The following CHRM3 variants were observed in gnomAD, a reference collection of about 807,000 sequenced individuals.
CHRM3 encodes the protein cholinergic receptor muscarinic 3, also known as muscarinic acetylcholine receptor M3.
In CHRM3, 11 loss-of-function variants were observed where a neutral mutation model predicts 41.8. The observed-to-expected ratio is 0.26, with a 90% CI of 0.17 to 0.44. The LOEUF is 0.44. Among genes scored for constraint, CHRM3 ranks in the 20% least tolerant of loss-of-function variants. The pLI, the probability that CHRM3 is intolerant of heterozygous loss-of-function variation, is 1.00. For missense variants in CHRM3, 571 were observed against 745.4 expected, an observed-to-expected ratio of 0.77 and a Z score of 2.72; for synonymous variants, 297 against 301.4, an observed-to-expected ratio of 0.99 and a Z score of 0.15.
intron 5 of CHRM3, among the ~76,000 whole-genome samples, chr1:239,683,400 G>T (rs990036803): frequency 2.0e-5 from 3 of 152,192 alleles, no homozygotes; most frequent in Non-Finnish European, 4.4e-5. Context: ...AGCAGAGAGA[G>T]AGAGACATCG....
chr1:239,631,463 C>A (rs2148869951), intron 3 of CHRM3, among the ~76,000 whole-genome samples: 1 of 152,334 alleles, frequency 6.6e-6, no homozygotes, highest in East Asian at 1.9e-4. Context: ...TTCAATCACA[C>A]CTTATCAGGA....
intron 2 of CHRM3, among the ~76,000 whole-genome samples, chr1:239,534,930 A>G (rs904013643): frequency 1.3e-5 from 2 of 152,224 alleles, no homozygotes; most frequent in East Asian, 3.8e-4. Context: ...AAGATGCTAT[A>G]TTTTTTATAA....
In CHRM3 at chr1:239,912,998, AT is replaced by A. The variant is rs1208465576; in HGVS notation, c.*3777del. On this transcript the variant is annotated 3_prime_UTR_variant, in exon 7 of 7. Transcript: ENST00000676153. ...AAGCAACAACACCGAAGCTTCTCTA[AT>A]TTGCCTTCTGATGCCAAATCGGTCA... 1.2e-5 allele frequency: 2 copies of A among 167,052 alleles called. No homozygotes were observed. The highest frequency in any genetic ancestry group is 2.9e-5 in the Non-Finnish European group (2 of 68,100). The allele number at this position is 167,052 out of a possible 1,614,324, so 10.3% of individuals were successfully genotyped here. A position where few individuals can be genotyped will look rare whatever the true frequency, so the allele number is the denominator to read the frequency against.
At chr1:239,651,722 C>T (rs1387832465) in intron 4 of CHRM3, among the ~76,000 whole-genome samples, 1 of 152,046 alleles carries the variant, frequency 6.6e-6, no homozygotes, top group Non-Finnish European at 1.5e-5. Flanking sequence ...AATCTTAGAC[C>T]CTACCCTTGT....
intron 1 of CHRM3, among the ~76,000 whole-genome samples, chr1:239,474,840 A>C (rs1666361961): frequency 6.6e-6 from 1 of 152,114 alleles, no homozygotes; most frequent in Admixed American, 6.5e-5. Context: ...TTTTTACTGA[A>C]GAGTAAATAT....
intron 1 of CHRM3, among the ~76,000 whole-genome samples, chr1:239,436,255 AC>A (rs985836830): frequency 1.3e-5 from 2 of 152,126 alleles, no homozygotes; most frequent in African/African-American, 2.4e-5. Context: ...AAAAGGTACC[AC>A]TTTGGGCTAG....
At chr1:239,662,019 AAAAC>A (rs1673240736) in intron 4 of CHRM3, among the ~76,000 whole-genome samples, 1 of 152,144 alleles carries the variant, frequency 6.6e-6, no homozygotes, top group South Asian at 2.1e-4. Context: ...TTAATTAAAA[AAAAC>A]AGAATAGAAT....
At chr1:239,550,460 C>A (rs1659708762) in intron 3 of CHRM3, among the ~76,000 whole-genome samples, 1 of 152,110 alleles carries the variant, frequency 6.6e-6, no homozygotes, top group African/African-American at 2.4e-5. Flanking sequence ...CCAATAGTTA[C>A]TGATAAAATT....
At chr1:239,430,118 C>G (rs926162460) in intron 1 of CHRM3, among the ~76,000 whole-genome samples, 3 of 151,630 alleles carry the variant, frequency 2.0e-5, no homozygotes, top group Admixed American at 1.3e-4. Context: ...AGGCGCCCAC[C>G]ACCACACCTG....
intron 6 of CHRM3, among the ~76,000 whole-genome samples, chr1:239,900,374 A>G (rs1179466501): frequency 7.2e-6 from 1 of 138,944 alleles, no homozygotes; most frequent in Non-Finnish European, 1.5e-5. Flanking sequence ...ACTTTTAGAT[A>G]TTCTTTTTTT....
chr1:239,651,856 C>T (rs373588172), intron 4 of CHRM3, among the ~76,000 whole-genome samples: 1 of 152,184 alleles, frequency 6.6e-6, no homozygotes, highest in Non-Finnish European at 1.5e-5. Flanking sequence ...ACAGCACCCC[C>T]CCACACCCCT....
chr1:239,514,147 T>C (rs909177003), intron 2 of CHRM3, among the ~76,000 whole-genome samples: 4 of 152,150 alleles, frequency 2.6e-5, no homozygotes, highest in African/African-American at 4.8e-5. Context: ...AATTATAGAA[T>C]CAAGTTTGCC....
At chr1:239,704,292 G>A (rs1440654336) in intron 5 of CHRM3, 3 of 152,148 alleles carry the variant, frequency 2.0e-5, no homozygotes, top group Admixed American at 6.5e-5. Flanking sequence ...ATAAAGCAAT[G>A]TTGAGCTGAC....
At chr1:239,396,400 C>T (rs1229729231) in intron 1 of CHRM3, among the ~76,000 whole-genome samples, 1 of 151,890 alleles carries the variant, frequency 6.6e-6, no homozygotes, top group Non-Finnish European at 1.5e-5. Flanking sequence ...GGTTTGAGGC[C>T]AGAAGTTGAA....
intron 4 of CHRM3, among the ~76,000 whole-genome samples, chr1:239,645,844 G>C (rs995598353): frequency 6.6e-6 from 1 of 152,132 alleles, no homozygotes; most frequent in African/African-American, 2.4e-5. Context: ...CAGCTTCAAA[G>C]TTTGTAGGTG....
chr1:239,506,746 C>G (rs993944475), intron 2 of CHRM3, among the ~76,000 whole-genome samples: 1 of 152,170 alleles, frequency 6.6e-6, no homozygotes, highest in Non-Finnish European at 1.5e-5. Flanking sequence ...CTACAAAAGC[C>G]ACAGACACTC....
intron 6 of CHRM3, among the ~76,000 whole-genome samples, chr1:239,831,079 C>T (rs534914500): frequency 1.3e-5 from 2 of 152,012 alleles, no homozygotes; most frequent in East Asian, 1.9e-4. Context: ...TTATTGACTG[C>T]TCTGTCACAT....
chr1:239,776,553 G>A (rs759471404), intron 5 of CHRM3, among the ~76,000 whole-genome samples: 16 of 152,044 alleles, frequency 1.1e-4, no homozygotes, highest in Non-Finnish European at 1.9e-4. Context: ...ATTGATGTAA[G>A]GAAGGGAAGA....
intron 5 of CHRM3, among the ~76,000 whole-genome samples, chr1:239,793,315 A>C (rs1669496972): frequency 6.6e-6 from 1 of 152,194 alleles, no homozygotes; most frequent in African/African-American, 2.4e-5. Context: ...AAATAAAATC[A>C]CAATAACCAT....
Sources: allele counts gnomAD v4.1 joint callset (sites outside exome capture counted in the v4.1 genomes callset), GRCh38; gene constraint gnomAD v4.1.1; transcripts MANE v1.5; gene names NCBI Gene and HGNC (gene_info 2026-07-23, HGNC 2026-07-21).